SEMA3F: variants seen among roughly 807,000 people sequenced by gnomAD.
SEMA3F encodes the protein semaphorin-3F.
SEMA3F carries 30 observed loss-of-function variants against 98.5 expected under a neutral mutation model. The observed-to-expected ratio is 0.30, with a 90% CI of 0.23 to 0.41. SEMA3F has a LOEUF of 0.41. Among genes scored for constraint, SEMA3F ranks in the 10% least tolerant of loss-of-function variants. The pLI, the probability that SEMA3F is intolerant of heterozygous loss-of-function variation, is 1.00. For missense variants in SEMA3F, 866 were observed against 1,119.3 expected, an observed-to-expected ratio of 0.77 and a Z score of 3.23; for synonymous variants, 380 against 444.8, an observed-to-expected ratio of 0.85 and a Z score of 1.83.
chr3:50,165,769 C>A (rs1417045194), intron 2 of SEMA3F, among the ~76,000 whole-genome samples: 1 of 152,218 alleles, frequency 6.6e-6, no homozygotes, highest in Non-Finnish European at 1.5e-5. Context: ...CAGAGCTTGG[C>A]AGGCCTACAG....
intron 12 of SEMA3F, 48 bp from the exon 13 acceptor site, chr3:50,184,544 C>G: frequency 6.8e-7 from 1 of 1,464,666 alleles, no homozygotes; most frequent in African/African-American, 1.4e-5. Context: ...TGGCTCCAGC[C>G]TGCCCTGCCC....
chr3:50,182,406 A>G lies in SEMA3F; in HGVS notation c.763+3A>G, dbSNP rs1469398114. 1.2e-6 allele frequency: 2 copies of G among 1,613,562 alleles called. No homozygotes were observed. Among genetic ancestry groups the G allele is most frequent in the South Asian group, 2.2e-5 (2 of 91,080 alleles). On this transcript the variant is annotated splice_donor_region_variant and intron_variant, in intron 8 of 18. Coordinates refer to ENST00000002829, the MANE Select transcript of SEMA3F (RefSeq NM_004186.5). The surrounding 1 kb of genome is among the most constrained non-coding windows in gnomAD (Gnocchi z 4.5). ...GTACAACTCCCGGTGGCTGAACGGT[A>G]AGCGCAGCCCCAGGAGCCCTTCCGT...
At chr3:50,160,929 G>A (rs1698182795) in intron 2 of SEMA3F, among the ~76,000 whole-genome samples, 1 of 152,172 alleles carries the variant, frequency 6.6e-6, no homozygotes, top group South Asian at 2.1e-4. Context: ...TCCCCTGCAG[G>A]GCCTGAGAAA....
chr3:50,178,925 G>A (rs1426952809), intron 7 of SEMA3F, among the ~76,000 whole-genome samples: 2 of 146,678 alleles, frequency 1.4e-5, no homozygotes, highest in Non-Finnish European at 1.5e-5. Flanking sequence ...TCCGCCTCCC[G>A]GGTTCACGCC....
rs538607746 is a variant in SEMA3F at position 50,187,913 on chromosome 3, G to A, written c.2156G>A (p.Gly719Asp). 3.7e-6 allele frequency: 6 copies of A among 1,608,672 alleles called. No individual in the cohort carries two copies. The highest frequency in any genetic ancestry group is 2.2e-5 in the East Asian group (1 of 44,698). The change falls in exon 19 of 19, where the codon GGC becomes GAC. Residue 719 changes from glycine to aspartate, a missense_variant. Around this residue, in one of 3 missense-constraint regions of SEMA3F, gnomAD observed 245 missense variants for 260.5 expected, o/e 0.94. Transcript: ENST00000002829. ...TCCATGAGCGCCCCGCCACCCCCAG[G>A]CGCAGGCCCCCCAACGCCTCCTTAC... ...PLSMSAPPPP[G>D]AGPPTPPYQE...
intron 2 of SEMA3F, among the ~76,000 whole-genome samples, chr3:50,161,439 CA>C (rs755811187): frequency 2.0e-5 from 3 of 152,246 alleles, no homozygotes; most frequent in Non-Finnish European, 2.9e-5. Context: ...CACATCGCGT[CA>C]GGTCGATTCC....
At chr3:50,159,974 T>G (rs1408076816) in intron 2 of SEMA3F, among the ~76,000 whole-genome samples, 1 of 152,204 alleles carries the variant, frequency 6.6e-6, no homozygotes, top group Non-Finnish European at 1.5e-5. Context: ...AGAGTCAGAC[T>G]GTGGGTTCCT....
At chr3:50,186,565 G>T (rs918222761) in intron 17 of SEMA3F, 48 bp from the exon 18 acceptor site, 2 of 1,562,946 alleles carry the variant, frequency 1.3e-6, no homozygotes, top group Non-Finnish European at 1.7e-6. Flanking sequence ...CAGTCAGCAG[G>T]CTGCCCGGAG....
In SEMA3F at chr3:50,156,462, A is replaced by G. The variant is rs150001931; in HGVS notation, c.-49+898A>G. Among the ~76,000 whole-genome samples, 12 of 152,274 alleles carry G rather than the reference A, an allele frequency of 7.9e-5. No homozygotes were observed. The highest frequency in any genetic ancestry group is 2.9e-4 in the African/African-American group (12 of 41,558). On this transcript the variant is annotated intron_variant, in intron 1 of 18. Transcript: ENST00000002829. The surrounding 1 kb of genome is among the most constrained non-coding windows in gnomAD (Gnocchi z 4.5). ...GGAGAGGTAAGGGAGACGCCAACCAAAGACACCAGTATGTCCACCCTGAAG... is the reference window on the plus strand; with the variant it reads ...GGAGAGGTAAGGGAGACGCCAACCAGAGACACCAGTATGTCCACCCTGAAG...
intron 17 of SEMA3F, 108 bp downstream of exon 17, chr3:50,186,456 T>C: frequency 7.1e-7 from 1 of 1,416,974 alleles, no homozygotes; most frequent in Non-Finnish European, 9.8e-7. Context: ...TGATGGCTAA[T>C]GGAGGGTGGG....
chr3:50,173,734 G>A (rs867418847), intron 2 of SEMA3F, 59 bp from the exon 3 acceptor site: 2 of 1,486,566 alleles, frequency 1.3e-6, no homozygotes, highest in African/African-American at 1.4e-5. Context: ...TTTATCAGAG[G>A]GGGTATGGCT....
At chr3:50,155,078 G>T (rs1697920176), upstream of SEMA3F, 5 of 382,508 alleles carry the variant, frequency 1.3e-5, no homozygotes, top group African/African-American at 6.5e-5. This position sits in a 1 kb window ranked among gnomAD's most constrained non-coding sequence, Gnocchi z 4.9. Context: ...TCCCGCCGGC[G>T]GCCGCGAGAC....
chr3:50,182,592 C>A lies in SEMA3F; in HGVS notation c.764-52C>A. On this transcript the variant is annotated intron_variant, in intron 8 of 18. Transcript: ENST00000002829. This position sits in a 1 kb window ranked among gnomAD's most constrained non-coding sequence, Gnocchi z 4.5. Reference sequence around the variant, plus strand: ...GGCTGGGGATTCTGTTGGAGAACATCAGGGGCACCATCAGAGTAGGGGCTC... The same window carrying A: ...GGCTGGGGATTCTGTTGGAGAACATAAGGGGCACCATCAGAGTAGGGGCTC... The A allele has an allele frequency of 6.3e-7, 1 of 1,598,110 alleles. No individual in the cohort carries two copies.
At chr3:50,179,949 C>CA (rs1698959402) in intron 7 of SEMA3F, among the ~76,000 whole-genome samples, 1 of 152,154 alleles carries the variant, frequency 6.6e-6, no homozygotes, top group African/African-American at 2.4e-5. Flanking sequence ...GTAAAACTTT[C>CA]ACCATATCAG....
At chr3:50,155,274 G>C (rs1464210802), upstream of SEMA3F, 1 of 324,664 alleles carries the variant, frequency 3.1e-6, no homozygotes, top group African/African-American at 2.2e-5. The surrounding 1 kb of genome is among the most constrained non-coding windows in gnomAD (Gnocchi z 4.9). Flanking sequence ...ATGCGCCCTC[G>C]GCGCGCCGGC....
At chr3:50,157,136 C>T (rs1439023909) in intron 1 of SEMA3F, among the ~76,000 whole-genome samples, 1 of 152,026 alleles carries the variant, frequency 6.6e-6, no homozygotes, top group South Asian at 2.1e-4. Flanking sequence ...AGCCAACCTC[C>T]CTTCCTGGAG....
At chr3:50,174,019 GA>G in intron 3 of SEMA3F, 32 bp from the exon 4 acceptor site, 2 of 1,614,038 alleles carry the variant, frequency 1.2e-6, no homozygotes, top group South Asian at 1.1e-5. Context: ...GGCATGTCCA[GA>G]AGGCTGCACC....
At chr3:50,162,808 A>T (rs1698261792) in intron 2 of SEMA3F, among the ~76,000 whole-genome samples, 2 of 152,212 alleles carry the variant, frequency 1.3e-5, no homozygotes, top group Admixed American at 1.3e-4. Context: ...GGACCCTGTG[A>T]TGACATGAGA....
At position 50,182,895 on chromosome 3, in the gene SEMA3F, AC is replaced by A. The variant is rs770157841; in HGVS notation, c.904-3del. 4 of 1,613,138 alleles carry A rather than the reference AC, an allele frequency of 2.5e-6. No homozygotes were observed. The highest frequency in any genetic ancestry group is 3.4e-6 in the Non-Finnish European group (4 of 1,179,622). ...CTGATCTGACCCGGCCTCTTGCCCC[AC>A]CCCCCAGAACGATGACGGTGGTCAC... On this transcript the variant is annotated splice_polypyrimidine_tract_variant and splice_region_variant and intron_variant, in intron 9 of 18. Coordinates refer to ENST00000002829, the MANE Select transcript of SEMA3F (RefSeq NM_004186.5). The surrounding 1 kb of genome is among the most constrained non-coding windows in gnomAD (Gnocchi z 4.5).
Sources: gnomAD v4.1 joint callset for allele counts (sites outside exome capture counted in the v4.1 genomes callset) on GRCh38, gnomAD v4.1.1 for gene constraint, gnomAD v4.1.1 regional missense constraint, Gnocchi (gnomAD v3.1) non-coding constraint, MANE v1.5 for transcripts, NCBI Gene and HGNC (gene_info 2026-07-23, HGNC 2026-07-21) for gene names.